Variants in BIVM observed in about 807,000 individuals in gnomAD.
BIVM encodes basic immunoglobulin-like variable motif-containing protein.
BIVM carries 31 observed loss-of-function variants against 61.4 expected under a neutral mutation model. That is an observed-to-expected ratio of 0.51 (90% CI 0.38 to 0.68). BIVM has a LOEUF of 0.68. BIVM is among the 30% of genes least tolerant of loss of function. The probability of loss-of-function intolerance (pLI) is 0.00; values close to 1 mark genes in which losing one functional copy is unlikely to be tolerated. For synonymous variants in BIVM, 189 were observed against 210.7 expected (o/e 0.90, Z 0.89); for missense variants, 526 against 596.0 (o/e 0.88, Z 1.22).
At chr13:102,823,842 A>C (rs1880464770) in intron 7 of BIVM, among the ~76,000 whole-genome samples, 1 of 152,182 alleles carries the variant, frequency 6.6e-6, no homozygotes, top group Non-Finnish European at 1.5e-5. Context: ...TCATATTTTC[A>C]AACCCTTTTA....
At chr13:102,809,239 T>A (rs1186055699) in intron 3 of BIVM, among the ~76,000 whole-genome samples, 1 of 152,254 alleles carries the variant, frequency 6.6e-6, no homozygotes, top group Non-Finnish European at 1.5e-5. Context: ...GGAAATATTT[T>A]CTAATTTCCT....
intron 2 of BIVM, among the ~76,000 whole-genome samples, chr13:102,805,756 T>G (rs1455342530): frequency 6.6e-6 from 1 of 152,060 alleles, no homozygotes; most frequent in East Asian, 1.9e-4. Flanking sequence ...AATAATACAC[T>G]ATCTGGTCCT....
chr13:102,825,326 G>A (rs1190675297), intron 7 of BIVM, among the ~76,000 whole-genome samples: 1 of 151,694 alleles, frequency 6.6e-6, no homozygotes, highest in Non-Finnish European at 1.5e-5. Context: ...TTGAACTCCT[G>A]GCCTTAAGTG....
At chr13:102,826,549 A>G (rs948665825) in intron 7 of BIVM, among the ~76,000 whole-genome samples, 2 of 152,294 alleles carry the variant, frequency 1.3e-5, no homozygotes, top group Admixed American at 6.5e-5. Context: ...GTGGACCAAA[A>G]TGCATGTCTG....
At chr13:102,810,533 T>C (rs1566446098) in intron 3 of BIVM, among the ~76,000 whole-genome samples, 1 of 152,246 alleles carries the variant, frequency 6.6e-6, no homozygotes, top group Non-Finnish European at 1.5e-5. Flanking sequence ...TTAGTACTTG[T>C]TATTTATATG....
intron 9 of BIVM, among the ~76,000 whole-genome samples, chr13:102,836,776 AC>A (rs776435895): frequency 1.3e-5 from 2 of 152,076 alleles, no homozygotes; most frequent in Non-Finnish European, 2.9e-5. Flanking sequence ...CTGTTTCTGG[AC>A]CCTGTCCTAC....
chr13:102,803,157 T>C (rs1311507817), intron 1 of BIVM, among the ~76,000 whole-genome samples: 1 of 141,324 alleles, frequency 7.1e-6, no homozygotes, highest in Admixed American at 7.0e-5. Context: ...ACCCTGTTTC[T>C]TAAAAAAAAA....
intron 1 of BIVM, among the ~76,000 whole-genome samples, chr13:102,804,419 T>C (rs1878931202): frequency 6.6e-6 from 1 of 152,248 alleles, no homozygotes; most frequent in Non-Finnish European, 1.5e-5. Context: ...CAGGCCGTTC[T>C]CCTGCCTCAG....
chr13:102,824,717 CAT>C (rs1401514831), intron 7 of BIVM, among the ~76,000 whole-genome samples: 12 of 152,136 alleles, frequency 7.9e-5, no homozygotes, highest in African/African-American at 2.2e-4. Flanking sequence ...ATAATTTTCA[CAT>C]GTCACAAAAT....
At chr13:102,817,470 T>C (rs1201438298) in intron 4 of BIVM, among the ~76,000 whole-genome samples, 3 of 152,164 alleles carry the variant, frequency 2.0e-5, no homozygotes, top group Non-Finnish European at 4.4e-5. Context: ...GATTACTGGG[T>C]TAAGGTGGTG....
chr13:102,807,524 C>T lies in BIVM; in HGVS notation c.257C>T (p.Pro86Leu). The T allele has an allele frequency of 6.2e-7, 1 of 1,614,186 alleles. No individual in the cohort carries two copies. Among genetic ancestry groups the T allele is most frequent in the Non-Finnish European group, 8.5e-7 (1 of 1,180,026 alleles). Residue 86 changes from proline (P) to leucine (L), a missense_variant, in exon 3 of 11, where the codon CCA becomes CTA. Coordinates refer to ENST00000257336, the MANE Select transcript of BIVM (RefSeq NM_017693.4). This position sits in a 1 kb window ranked among gnomAD's most constrained non-coding sequence, Gnocchi z 4.0. ...LNQATSIYKT[P>L]NPSRSPCLPD... ...CAGGCGACCTCAATCTATAAAACTC[C>T]AAATCCATCCCGCTCTCCTTGCCTC...
Position 102,838,669 on chromosome 13 carries a change from A to C in BIVM, c.1148A>C (p.Asn383Thr). 1.2e-6 allele frequency: 2 copies of C among 1,613,400 alleles called. No individual in the cohort carries two copies. Among genetic ancestry groups the C allele is most frequent in the South Asian group, 2.2e-5 (2 of 90,942 alleles). ...KKWADIVTDL[N>T]TQNPEYLDIR... Reference sequence around the variant, plus strand: ...TGGGCAGATATTGTTACTGATCTAAACACTCAAAATCCAGAATACCTGGAT... The same window carrying C: ...TGGGCAGATATTGTTACTGATCTAACCACTCAAAATCCAGAATACCTGGAT... Residue 383 changes from asparagine to threonine, a missense_variant, in exon 10 of 11, where the codon AAC becomes ACC. Physicochemically the swap from Asn to Thr is moderately conservative, Grantham distance 65 (BLOSUM62 0). Coordinates refer to ENST00000257336, the MANE Select transcript of BIVM (RefSeq NM_017693.4).
Position 102,807,669 on chromosome 13 carries a change from G to A in BIVM, c.402G>A (p.Leu134=), listed in dbSNP as rs111947510. The change falls in exon 3 of 11, where the codon CTG becomes CTA. Residue 134 remains leucine, a synonymous_variant. Transcript: ENST00000257336. The surrounding 1 kb of genome is among the most constrained non-coding windows in gnomAD (Gnocchi z 4.0). Reference sequence around the variant, plus strand: ...GCTTGGAAAACTTATCCAACAGCCTGGGCAAGCTACCTCTCGCATGGGAAA... The same window carrying A: ...GCTTGGAAAACTTATCCAACAGCCTAGGCAAGCTACCTCTCGCATGGGAAA... The part of the protein sequence containing the change: ...ENSLENLSNS[L]GKLPLAWEID... 1.1e-3 allele frequency: 1,817 copies of A among 1,614,054 alleles called. 30 individuals carry two copies. In the African/African-American group the frequency reaches 0.022, roughly 19 times the overall value.
intron 1 of BIVM, among the ~76,000 whole-genome samples, chr13:102,801,165 A>G (rs1047768816): frequency 6.6e-6 from 1 of 152,072 alleles, no homozygotes; most frequent in South Asian, 2.1e-4. Context: ...CGAGCAAACC[A>G]TATTTCTATT....
intron 1 of BIVM, among the ~76,000 whole-genome samples, chr13:102,803,153 T>C (rs1242986846): frequency 1.4e-5 from 2 of 147,082 alleles, no homozygotes; most frequent in Admixed American, 1.4e-4. Context: ...CAAGACCCTG[T>C]TTCTTAAAAA....
chr13:102,803,254 G>A (rs1433620631), intron 1 of BIVM, among the ~76,000 whole-genome samples: 1 of 151,786 alleles, frequency 6.6e-6, no homozygotes, highest in Non-Finnish European at 1.5e-5. Context: ...TATAATCCCA[G>A]CACTTTGGGG....
chr13:102,802,979 A>T (rs890439567), intron 1 of BIVM, among the ~76,000 whole-genome samples: 1 of 151,164 alleles, frequency 6.6e-6, no homozygotes, highest in Non-Finnish European at 1.5e-5. Context: ...CTTACCCCCA[A>T]CTTTTGTGCT....
At chr13:102,826,124 T>C (rs1880655493) in intron 7 of BIVM, among the ~76,000 whole-genome samples, 1 of 152,174 alleles carries the variant, frequency 6.6e-6, no homozygotes, top group Admixed American at 6.5e-5. Flanking sequence ...AATTTTGTTG[T>C]CCATTCCAAA....
intron 8 of BIVM, among the ~76,000 whole-genome samples, chr13:102,832,104 C>A (rs1881133457): frequency 6.6e-6 from 1 of 152,180 alleles, no homozygotes. Context: ...TATTCTTCTG[C>A]AGAATTGCAT....
Sources: gnomAD v4.1 joint callset for allele counts (sites outside exome capture counted in the v4.1 genomes callset) on GRCh38, gnomAD v4.1.1 for gene constraint, Gnocchi (gnomAD v3.1) non-coding constraint, MANE v1.5 for transcripts, NCBI Gene and HGNC (gene_info 2026-07-23, HGNC 2026-07-21) for gene names.